The following MYO18B variants were observed in gnomAD, a reference collection of about 807,000 sequenced individuals.
MYO18B encodes the protein unconventional myosin-XVIIIb.
MYO18B carries 204 observed loss-of-function variants against 273.0 expected under a neutral mutation model. That is an observed-to-expected ratio of 0.75 (90% confidence interval 0.67 to 0.84). The LOEUF (loss-of-function observed/expected upper bound fraction) is 0.84, where lower values mean the gene tolerates loss of function less well. Among genes scored for constraint, MYO18B ranks in the 40% least tolerant of loss-of-function variants. The pLI, the probability that MYO18B is intolerant of heterozygous loss-of-function variation, is 0.00. For missense variants in MYO18B, 3,212 were observed against 3,287.6 expected, an observed-to-expected ratio of 0.98 and a Z score of 0.56; for synonymous variants, 1,330 against 1,305.7, an observed-to-expected ratio of 1.02 and a Z score of -0.40.
intron 5 of MYO18B, 53 bp downstream of exon 5, chr22:25,770,229 C>T: frequency 6.4e-7 from 1 of 1,553,340 alleles, no homozygotes; most frequent in Non-Finnish European, 8.9e-7. Context: ...CCTGTGCCCC[C>T]TACTGCTGCC....
intron 39 of MYO18B, among the ~76,000 whole-genome samples, chr22:25,981,120 A>T (rs374929919): frequency 6.6e-6 from 1 of 152,164 alleles, no homozygotes; most frequent in East Asian, 1.9e-4. Context: ...TTGGATTAGG[A>T]CCCATCCTGC....
chr22:26,017,962 GTTTTGTTTTTT>G (rs540517865), intron 42 of MYO18B, among the ~76,000 whole-genome samples: 6,148 of 117,536 alleles, frequency 0.052, 195 homozygotes, highest in Non-Finnish European at 0.057. Flanking sequence ...CAATTTTACT[GTTTTGTTTTTT>G]TTTTTTTTTT....
At chr22:25,823,468 G>A (rs1569070847) in intron 12 of MYO18B, 37 bp from the exon 13 acceptor site, 3 of 1,603,360 alleles carry the variant, frequency 1.9e-6, no homozygotes, top group Admixed American at 1.7e-5. Flanking sequence ...CATGCCCAAG[G>A]CCTCACTGCC....
the MYO18B span, among the ~76,000 whole-genome samples, chr22:26,061,098 T>C: frequency 6.7e-6 from 1 of 149,732 alleles, no homozygotes; most frequent in Non-Finnish European, 1.5e-5. Context: ...TGGCCCCCTG[T>C]AGTGCCAGCT....
At chr22:25,997,736 A>G (rs1156432567) in intron 40 of MYO18B, among the ~76,000 whole-genome samples, 2 of 152,182 alleles carry the variant, frequency 1.3e-5, no homozygotes, top group Non-Finnish European at 2.9e-5. Context: ...TCCACCGTCC[A>G]TAGCAGAACC....
intron 39 of MYO18B, among the ~76,000 whole-genome samples, chr22:25,970,301 T>A (rs1277686655): frequency 6.6e-6 from 1 of 152,220 alleles, no homozygotes; most frequent in Non-Finnish European, 1.5e-5. Context: ...AGGCAAGCCC[T>A]GTGATTCAGA....
chr22:25,870,463 G>C (rs992540377), intron 22 of MYO18B, among the ~76,000 whole-genome samples: 5 of 152,198 alleles, frequency 3.3e-5, no homozygotes, highest in African/African-American at 1.2e-4. Flanking sequence ...GTAAGGATCT[G>C]AGTATTTAAA....
chr22:25,797,221 C>G (rs553990856), intron 11 of MYO18B, among the ~76,000 whole-genome samples: 1 of 152,324 alleles, frequency 6.6e-6, no homozygotes, highest in African/African-American at 2.4e-5. Context: ...GAGCGAGACT[C>G]TGTCTCAAAA....
intron 15 of MYO18B, among the ~76,000 whole-genome samples, chr22:25,830,671 G>A (rs1293100384): frequency 6.6e-6 from 1 of 152,182 alleles, no homozygotes; most frequent in Non-Finnish European, 1.5e-5. Flanking sequence ...GCGTGCAGGG[G>A]ACCTTGAGGC....
chr22:25,837,497 G>A (rs1396532331), intron 17 of MYO18B, among the ~76,000 whole-genome samples: 1 of 152,242 alleles, frequency 6.6e-6, no homozygotes, highest in Non-Finnish European at 1.5e-5. Flanking sequence ...TGGAGACATA[G>A]ACAGATGCAT....
At chr22:26,045,403 G>T in the MYO18B span, among the ~76,000 whole-genome samples, 1 of 152,124 alleles carries the variant, frequency 6.6e-6, no homozygotes, top group Non-Finnish European at 1.5e-5. Context: ...GAATTAGTCA[G>T]GGAAAGGCTT....
chr22:25,844,504 C>T (rs1253449968), intron 18 of MYO18B, among the ~76,000 whole-genome samples: 1 of 152,232 alleles, frequency 6.6e-6, no homozygotes, highest in Non-Finnish European at 1.5e-5. Context: ...GAAAGAACCA[C>T]TTACTCACTA....
chr22:25,877,318 T>C (rs568039837), intron 24 of MYO18B: 1 of 152,134 alleles, frequency 6.6e-6, no homozygotes, highest in African/African-American at 2.4e-5. Context: ...AAAAAAAAAT[T>C]CATCTTTAAT....
chr22:25,862,918 C>T (rs1292317318), intron 21 of MYO18B, among the ~76,000 whole-genome samples: 1 of 151,778 alleles, frequency 6.6e-6, no homozygotes, highest in Non-Finnish European at 1.5e-5. Flanking sequence ...TGTCTTTCTC[C>T]TCTTCTTCTG....
At chr22:25,808,183 T>TA (rs1263957085) in intron 12 of MYO18B, among the ~76,000 whole-genome samples, 2 of 152,134 alleles carry the variant, frequency 1.3e-5, no homozygotes, top group Non-Finnish European at 1.5e-5. Context: ...TGCAGCAAGA[T>TA]ACGATTTCTC....
chr22:25,780,590 C>CAAAA (rs59082074), intron 9 of MYO18B, among the ~76,000 whole-genome samples: 16 of 65,204 alleles, frequency 2.5e-4, no homozygotes, highest in East Asian at 4.7e-4. Context: ...AACTCCATCT[C>CAAAA]AAAAAAAAAA....
intron 11 of MYO18B, among the ~76,000 whole-genome samples, chr22:25,796,418 G>A (rs1204196460): frequency 6.6e-6 from 1 of 151,568 alleles, no homozygotes; most frequent in East Asian, 1.9e-4. Flanking sequence ...GACCCCATCT[G>A]TAAAAAAAAT....
intron 11 of MYO18B, among the ~76,000 whole-genome samples, chr22:25,788,258 G>A (rs982022156): frequency 5.9e-5 from 9 of 152,184 alleles, no homozygotes; most frequent in African/African-American, 1.9e-4. Context: ...ATACAAGCCT[G>A]GGCTAGTTAC....
chr22:25,868,344 C>A lies in MYO18B; in HGVS notation c.3910C>A (p.Leu1304Met). 1 of 1,604,416 alleles carries A rather than the reference C, an allele frequency of 6.2e-7. No individual in the cohort carries two copies. Among genetic ancestry groups the A allele is most frequent in the East Asian group, 2.2e-5 (1 of 44,638 alleles). Residue 1304 changes from leucine to methionine, a missense_variant, in exon 22 of 44, where the codon CTG becomes ATG. Coordinates refer to ENST00000335473, the MANE Select transcript of MYO18B (RefSeq NM_032608.7). ...RKAVEELLET[L>M]DLEKKAVAVG... is the part of the protein sequence containing the mutation. ...GGCCGTGGAGGAGCTCCTGGAGACCCTGGATCTGGAAAAGAAGGCGGTGGC... is the reference window on the plus strand; with the variant it reads ...GGCCGTGGAGGAGCTCCTGGAGACCATGGATCTGGAAAAGAAGGCGGTGGC...
Sources: allele counts gnomAD v4.1 joint callset (sites outside exome capture counted in the v4.1 genomes callset), GRCh38; gene constraint gnomAD v4.1.1; transcripts MANE v1.5; gene names NCBI Gene and HGNC (gene_info 2026-07-23, HGNC 2026-07-21).